Variants in HP1BP3 observed in about 807,000 individuals in gnomAD.
The protein encoded by HP1BP3 is heterochromatin protein 1-binding protein 3.
In HP1BP3, 12 loss-of-function variants were observed where a neutral mutation model predicts 62.5. The observed-to-expected ratio is 0.19, with a 90% CI of 0.12 to 0.31. HP1BP3 has a LOEUF of 0.31. HP1BP3 is among the 10% of genes least tolerant of loss of function. HP1BP3 has a pLI of 1.00. For missense variants in HP1BP3, 502 were observed against 651.8 expected (o/e 0.77, Z 2.50); for synonymous variants, 260 against 237.8 (o/e 1.09, Z -0.86).
chr1:20,772,103 A>C (rs1353671432), intron 5 of HP1BP3, among the ~76,000 whole-genome samples: 1 of 152,218 alleles, frequency 6.6e-6, no homozygotes, highest in African/African-American at 2.4e-5. Context: ...AAGAAAATCA[A>C]GCAGAAAAGA....
chr1:20,769,701 C>T (rs544580062), intron 6 of HP1BP3, among the ~76,000 whole-genome samples: 26 of 152,204 alleles, frequency 1.7e-4, no homozygotes, highest in Admixed American at 1.4e-3. Context: ...TGTGCCTGGC[C>T]GTCAGTGATA....
At chr1:20,748,014 G>C (rs975661515) in intron 10 of HP1BP3, among the ~76,000 whole-genome samples, 3 of 151,832 alleles carry the variant, frequency 2.0e-5, no homozygotes, top group African/African-American at 7.3e-5. Flanking sequence ...ACCATACCTG[G>C]CAAGAGTTAT....
rs908221084 is a variant in HP1BP3 at position 20,776,604 on chromosome 1, T to C, written c.343A>G (p.Lys115Glu). The change falls in exon 4 of 13, where the codon AAA becomes GAA. Residue 115 changes from lysine (K) to glutamate (E), a missense_variant. Lys to Glu is a moderately conservative substitution (Grantham distance 56, BLOSUM62 1). Around this residue, in one of 5 missense-constraint regions of HP1BP3, gnomAD observed 165 missense variants for 156.4 expected, o/e 1.05. Coordinates refer to ENST00000438032, the MANE Select transcript of HP1BP3 (RefSeq NM_001372052.1). ...KEENKSSEET[K>E]KDEKDQSKEK... ...GAAGACATAACTCCTTACTCCTTTT[T>C]GGTTTCCTCAGAAGACTTATTTTCT... 9.3e-6 allele frequency: 15 copies of C among 1,610,914 alleles called. No homozygotes were observed. Among genetic ancestry groups the C allele is most frequent in the East Asian group, 2.2e-5 (1 of 44,810 alleles).
At chr1:20,752,355 C>T (rs1396672439) in intron 9 of HP1BP3, among the ~76,000 whole-genome samples, 4 of 151,398 alleles carry the variant, frequency 2.6e-5, no homozygotes, top group African/African-American at 9.7e-5. Flanking sequence ...AGTGTAATGG[C>T]GCGGTCTCGG....
chr1:20,745,814 T>C (rs1405939426), intron 11 of HP1BP3, among the ~76,000 whole-genome samples, 158 bp from the exon 12 acceptor site: 1 of 152,240 alleles, frequency 6.6e-6, no homozygotes, highest in African/African-American at 2.4e-5. Context: ...TTACCGTATT[T>C]TGAACATACA....
At chr1:20,774,017 C>A (rs2057179229) in intron 4 of HP1BP3, 2 of 153,462 alleles carry the variant, frequency 1.3e-5, no homozygotes, top group African/African-American at 4.8e-5. Flanking sequence ...GCTATATGAT[C>A]TTAGTAAATG....
At chr1:20,747,297 A>C (rs1348342766) in intron 11 of HP1BP3, among the ~76,000 whole-genome samples, 1 of 152,154 alleles carries the variant, frequency 6.6e-6, no homozygotes, top group Non-Finnish European at 1.5e-5. Flanking sequence ...ACAGATCAGA[A>C]ATACAACATC....
chr1:20,762,861 T>G (rs1345610946), intron 8 of HP1BP3, among the ~76,000 whole-genome samples: 1 of 152,066 alleles, frequency 6.6e-6, no homozygotes, highest in Non-Finnish European at 1.5e-5. Flanking sequence ...CTTGGCAAAA[T>G]AAACTTTCTA....
chr1:20,779,905 C>T lies in HP1BP3; in HGVS notation c.103G>A (p.Glu35Lys). 1.2e-6 allele frequency: 2 copies of T among 1,609,510 alleles called. No individual in the cohort carries two copies. Among genetic ancestry groups the T allele is most frequent in the Non-Finnish European group, 8.5e-7 (1 of 1,178,286 alleles). ...CGACGAATCGGCATGGTGCTATCTTCTACCTTCTAAGAAAAGAGATGGCCA... is the reference window on the plus strand; with the variant it reads ...CGACGAATCGGCATGGTGCTATCTTTTACCTTCTAAGAAAAGAGATGGCCA... ...IHADKLGEKV[E>K]DSTMPIRRTV... The change falls in exon 3 of 13, where the codon GAA (glutamate) becomes AAA (lysine). Residue 35 changes from glutamate (E) to lysine (K), a missense_variant. Coordinates refer to ENST00000438032, the MANE Select transcript of HP1BP3 (RefSeq NM_001372052.1).
chr1:20,760,269 T>A (rs939205989), intron 8 of HP1BP3, among the ~76,000 whole-genome samples: 1 of 152,166 alleles, frequency 6.6e-6, no homozygotes, highest in Middle Eastern at 3.2e-3. Flanking sequence ...CTGGACACAG[T>A]GGCTCACACC....
rs572215965 is a variant in HP1BP3 at position 20,741,042 on chromosome 1, T to C, written c.*3755A>G. ...CCACCATGAAAATGCAAAAGCAAAA[T>C]CTACATGCTAGAAAGTAATGTCAAC... is the stretch of plus-strand genomic sequence containing the variant. On this transcript the variant is annotated 3_prime_UTR_variant, in exon 13 of 13. Coordinates refer to ENST00000438032, the MANE Select transcript of HP1BP3 (RefSeq NM_001372052.1). 3.9e-5 allele frequency among the ~76,000 whole-genome samples: 6 copies of C among 152,312 alleles called. No individual in the cohort carries two copies. Among genetic ancestry groups the C allele is most frequent in the Admixed American group, 6.5e-5 (1 of 15,304 alleles).
intron 11 of HP1BP3, 71 bp from the exon 12 acceptor site, chr1:20,745,727 C>T (rs1053253845): frequency 6.6e-7 from 1 of 1,521,820 alleles, no homozygotes; most frequent in African/African-American, 1.4e-5. Context: ...AACCTAGATG[C>T]TCTTACCTGG....
chr1:20,760,980 G>C (rs1056496841), intron 8 of HP1BP3, among the ~76,000 whole-genome samples: 16 of 152,202 alleles, frequency 1.1e-4, no homozygotes, highest in African/African-American at 3.9e-4. Flanking sequence ...GGTGAGAGAT[G>C]ATGGTGGCCT....
rs531976282 is a variant in HP1BP3 at position 20,780,516 on chromosome 1, G to A, written c.-76C>T. On this transcript the variant is annotated 5_prime_UTR_variant, in exon 2 of 13. Transcript: ENST00000438032. ...GTTAACCACAAGGATTTTTCCTAAT[G>A]GTTTCAGTGTGGTGAAGAATCAACC... 9.6e-6 allele frequency: 10 copies of A among 1,043,738 alleles called. No homozygotes were observed. Among genetic ancestry groups the A allele is most frequent in the South Asian group, 5.2e-5 (4 of 77,010 alleles). 64.7% of individuals were successfully genotyped at this position (1,043,738 alleles called of 1,614,324 possible).
intron 4 of HP1BP3, 157 bp from the exon 5 acceptor site, chr1:20,773,767 T>G (rs1356252744): frequency 2.1e-6 from 1 of 471,490 alleles, no homozygotes; most frequent in Admixed American, 4.1e-5. Context: ...ACAAAATAAA[T>G]CTTCTTTAAA....
Position 20,764,766 on chromosome 1 carries a change from T to C in HP1BP3, c.890+611A>G, listed in dbSNP as rs115769457. 5.1e-3 allele frequency among the ~76,000 whole-genome samples: 762 copies of C among 148,520 alleles called. 7 individuals are homozygous for C. Among genetic ancestry groups the C allele is most frequent in the African/African-American group, 0.018 (731 of 40,242 alleles). The stretch of plus-strand genomic sequence containing the variant: ...TAACCGGGGCCTGTAATCCCAGCTA[T>C]TCGGAGGCTGTGGCAGGAAAATCGC... On this transcript the variant is annotated intron_variant, in intron 8 of 12. Coordinates refer to ENST00000438032, the MANE Select transcript of HP1BP3 (RefSeq NM_001372052.1).
chr1:20,744,843 C>A lies in HP1BP3; in HGVS notation c.1616G>T (p.Gly539Val). Residue 539 changes from glycine to valine, a missense_variant, in exon 13 of 13, where the codon GGC becomes GTC. Around this residue, in one of 5 missense-constraint regions of HP1BP3, gnomAD observed 194 missense variants for 207.0 expected, o/e 0.94. Transcript: ENST00000438032. ...CTTCTTCATGGTGGATTTGCCCTTG[C>A]CCGGCAATTTTACTTCCTTTCTTGC... ...TSARKEVKLP[G>V]KGKSTMKKSF... 1 of 1,613,616 alleles carries A rather than the reference C, an allele frequency of 6.2e-7. No homozygotes were observed. The highest frequency in any genetic ancestry group is 8.5e-7 in the Non-Finnish European group (1 of 1,179,950).
At chr1:20,765,343 A>T (rs1570620759) in intron 8 of HP1BP3, 34 bp downstream of exon 8, 1 of 1,474,172 alleles carries the variant, frequency 6.8e-7, no homozygotes, top group Admixed American at 2.2e-5. Context: ...GAAGTAACAC[A>T]TCATGTTTTA....
chr1:20,756,911 G>A (rs1338455273), intron 9 of HP1BP3, among the ~76,000 whole-genome samples: 2 of 152,046 alleles, frequency 1.3e-5, no homozygotes, highest in Non-Finnish European at 2.9e-5. Flanking sequence ...AGACGACAGG[G>A]TTTCACCAGG....
Sources: allele counts gnomAD v4.1 joint callset (sites outside exome capture counted in the v4.1 genomes callset), GRCh38; gene constraint gnomAD v4.1.1; regional missense constraint gnomAD v4.1.1; transcripts MANE v1.5; gene names NCBI Gene and HGNC (gene_info 2026-07-23, HGNC 2026-07-21).